Variants in SLF2 observed in about 807,000 individuals in gnomAD.
SLF2 encodes SMC5-SMC6 complex localization factor protein 2.
Under a neutral mutation model 124.3 loss-of-function variants are expected in SLF2, and 68 were observed. The ratio of observed to expected loss-of-function variants is 0.55; its 90% CI spans 0.45 to 0.67. The LOEUF (loss-of-function observed/expected upper bound fraction) is 0.67. Among genes scored for constraint, SLF2 ranks in the 30% least tolerant of loss-of-function variants. SLF2 has a pLI of 0.00. For synonymous variants in SLF2, 480 were observed against 478.8 expected, an observed-to-expected ratio of 1.00 and a Z score of -0.03; for missense variants, 1,246 against 1,373.7, an observed-to-expected ratio of 0.91 and a Z score of 1.47.
At chr10:100,955,842 G>A (rs1177158373) in intron 17 of SLF2, among the ~76,000 whole-genome samples, 1 of 151,764 alleles carries the variant, frequency 6.6e-6, no homozygotes, top group African/African-American at 2.4e-5. Flanking sequence ...GGAGCCAGAG[G>A]TTGTAGTGAG....
intron 11 of SLF2, among the ~76,000 whole-genome samples, chr10:100,939,282 G>A (rs1447919042): frequency 1.3e-5 from 2 of 152,204 alleles, no homozygotes; most frequent in African/African-American, 4.8e-5. Flanking sequence ...CACTTGGGGA[G>A]GCCAAGGCAG....
At position 100,931,195 on chromosome 10, in the gene SLF2, G is replaced by C. The variant is rs1849728316; in HGVS notation, c.2436+117G>C. 4.1e-6 allele frequency: 3 copies of C among 738,710 alleles called. 1 individual carries two copies. In the South Asian group the frequency reaches 5.4e-5, roughly 13 times the overall value. 45.8% of individuals were successfully genotyped at this position (738,710 alleles called of 1,614,324 possible). A position where few individuals can be genotyped will look rare whatever the true frequency, so the allele number is the denominator to read the frequency against. On this transcript the variant is annotated intron_variant, in intron 9 of 19. Coordinates refer to ENST00000238961, the MANE Select transcript of SLF2 (RefSeq NM_018121.4). ...GAAAAAATTAATGTAGCACATCCAT[G>C]ATGTCAGTGGCTTAGAATGTAGCAA...
rs187372082 is a variant in SLF2, at chr10:100,913,543, C to A, written c.140+293C>A. 3.6e-5 allele frequency: 44 copies of A among 1,238,352 alleles called. 1 individual carries two copies. In the East Asian group the frequency reaches 1.4e-3, roughly 41 times the overall value. 76.7% of individuals were successfully genotyped at this position (1,238,352 alleles called of 1,614,324 possible). On this transcript the variant is annotated intron_variant, in intron 1 of 19. Coordinates refer to ENST00000238961, the MANE Select transcript of SLF2 (RefSeq NM_018121.4). ...TTTTTTCCTTTGCAAGAGTTTGACC[C>A]GGGACCCTAACTGCTTAATGCATAT...
intron 4 of SLF2, among the ~76,000 whole-genome samples, chr10:100,923,411 G>A (rs1849555542): frequency 6.6e-6 from 1 of 151,902 alleles, no homozygotes; most frequent in South Asian, 2.1e-4. Flanking sequence ...TTTTCCTTGT[G>A]TATTTTCACC....
Position 100,964,449 on chromosome 10 carries a change from T to C in SLF2, c.*2537T>C, listed in dbSNP as rs1436656167. 1 of 152,686 alleles carries C rather than the reference T, an allele frequency of 6.5e-6. No homozygotes were observed. The highest frequency in any genetic ancestry group is 1.9e-4 in the East Asian group (1 of 5,206). The allele number at this position is 152,686 out of a possible 1,614,324, so 9.5% of individuals were successfully genotyped here. A position where few individuals can be genotyped will look rare whatever the true frequency, so the allele number is the denominator to read the frequency against. Reference sequence around the variant, plus strand: ...TGAAAATATAATTCTACTAGTTTTATCACATTAAGAGGCTCTCCATGCACA... The same window carrying C: ...TGAAAATATAATTCTACTAGTTTTACCACATTAAGAGGCTCTCCATGCACA... On this transcript the variant is annotated 3_prime_UTR_variant, in exon 20 of 20. Transcript: ENST00000238961.
chr10:100,929,877 A>G lies in SLF2; in HGVS notation c.2213A>G (p.His738Arg). ...FSVTIDAIPD[H>R]HPGEEIFNFL... ...GTTACAATTGATGCTATTCCTGATC[A>G]TCATCCAGGTGAAGAAATATTTAAT... Residue 738 changes from histidine (H) to arginine (R), a missense_variant, in exon 8 of 20, where the codon CAT becomes CGT. His to Arg is a conservative substitution (Grantham distance 29). Around this residue, in one of 3 missense-constraint regions of SLF2, gnomAD observed 535 missense variants for 632.8 expected, o/e 0.85. Coordinates refer to ENST00000238961, the MANE Select transcript of SLF2 (RefSeq NM_018121.4). The G allele has an allele frequency of 6.3e-7, 1 of 1,594,716 alleles. No individual in the cohort carries two copies.
chr10:100,930,262 CAA>C (rs1481675432), intron 8 of SLF2, among the ~76,000 whole-genome samples: 3 of 152,078 alleles, frequency 2.0e-5, no homozygotes, highest in Non-Finnish European at 4.4e-5. Context: ...GTGGTTTAAA[CAA>C]GAAGTATATT....
chr10:100,943,634 T>G (rs1047793126), intron 11 of SLF2: 1 of 155,350 alleles, frequency 6.4e-6, no homozygotes, highest in African/African-American at 2.4e-5. Context: ...CTTTTACCTA[T>G]TATGAATTCT....
At chr10:100,957,869 C>G (rs545045823) in intron 18 of SLF2, among the ~76,000 whole-genome samples, 9 of 152,018 alleles carry the variant, frequency 5.9e-5, no homozygotes, top group Non-Finnish European at 1.3e-4. Flanking sequence ...AAATCAGACA[C>G]TTTTAAAATA....
intron 9 of SLF2, among the ~76,000 whole-genome samples, chr10:100,931,460 A>T (rs182008642): frequency 6.6e-6 from 1 of 151,684 alleles, no homozygotes; most frequent in Non-Finnish European, 1.5e-5. Flanking sequence ...CCCCATTCGT[A>T]TATATGGTTT....
Position 100,964,736 on chromosome 10 carries a change from T to C in SLF2, c.*2824T>C, listed in dbSNP as rs1411918430. On this transcript the variant is annotated 3_prime_UTR_variant, in exon 20 of 20. Transcript: ENST00000238961. Reference sequence around the variant, plus strand: ...ATTGGTGGGGACTGGCCAGTAATAATGTGTGGCGTCTTTAAGCCAAGAGTA... The same window carrying C: ...ATTGGTGGGGACTGGCCAGTAATAACGTGTGGCGTCTTTAAGCCAAGAGTA... The C allele has an allele frequency of 2.0e-5, 3 of 152,376 alleles. No homozygotes were observed. The highest frequency in any genetic ancestry group is 4.8e-5 in the African/African-American group (2 of 41,454). 9.4% of individuals were successfully genotyped at this position (152,376 alleles called of 1,614,324 possible). A position where few individuals can be genotyped will look rare whatever the true frequency, so the allele number is the denominator to read the frequency against.
chr10:100,928,800 C>G (rs569821343), intron 6 of SLF2, among the ~76,000 whole-genome samples: 3 of 152,248 alleles, frequency 2.0e-5, no homozygotes, highest in Admixed American at 2.0e-4. Context: ...ATATATAAAG[C>G]CCTTAGTGCA....
chr10:100,916,681 C>G lies in SLF2; in HGVS notation c.296C>G (p.Ser99Cys). ...FERKLSSPKE[S>C]KPKRVPPEKS... The stretch of plus-strand genomic sequence containing the variant: ...AGGAAACTATCCTCACCAAAAGAAT[C>G]TAAACCCAAAAGGGTGCCACCAGAA... The change falls in exon 3 of 20, where the codon TCT (serine) becomes TGT (cysteine). Residue 99 changes from serine to cysteine, a missense_variant. This residue lies in a region of SLF2 where 698 missense variants were observed against 708.9 expected (regional missense o/e 0.98). Coordinates refer to ENST00000238961, the MANE Select transcript of SLF2 (RefSeq NM_018121.4). The G allele has an allele frequency of 6.5e-7, 1 of 1,539,068 alleles. No individual in the cohort carries two copies. Among genetic ancestry groups the G allele is most frequent in the Non-Finnish European group, 8.7e-7 (1 of 1,150,558 alleles).
intron 11 of SLF2, among the ~76,000 whole-genome samples, chr10:100,940,155 G>A (rs768314133): frequency 3.3e-5 from 5 of 152,140 alleles, no homozygotes. Flanking sequence ...TAGTAATTTT[G>A]TATGTTGTAT....
At chr10:100,946,751 A>G (rs1440955950) in intron 13 of SLF2, among the ~76,000 whole-genome samples, 6 of 152,240 alleles carry the variant, frequency 3.9e-5, no homozygotes, top group African/African-American at 1.4e-4. Flanking sequence ...TATCTTTCCA[A>G]GAAGGACTGT....
intron 6 of SLF2, 173 bp downstream of exon 6, chr10:100,926,192 A>G: frequency 1.3e-6 from 2 of 1,550,260 alleles, no homozygotes; most frequent in Non-Finnish European, 1.7e-6. Context: ...CATGCCTGTA[A>G]TCACAACACT....
intron 4 of SLF2, among the ~76,000 whole-genome samples, chr10:100,919,814 A>G (rs1214190946): frequency 1.3e-5 from 2 of 152,254 alleles, no homozygotes; most frequent in South Asian, 4.1e-4. Context: ...TTTGAACCTC[A>G]TAACTTTATA....
rs769804097 is a variant in SLF2, at chr10:100,929,436, A to G, written c.2162A>G (p.His721Arg). ...TDDEDGLLEE[H>R]KEFLKKFSVT... ...GATGAGGATGGCCTCTTAGAAGAGCACAAGTATAGCATTTTTCATAATGTA... is the reference window on the plus strand; with the variant it reads ...GATGAGGATGGCCTCTTAGAAGAGCGCAAGTATAGCATTTTTCATAATGTA... Residue 721 changes from histidine to arginine, a missense_variant, in exon 7 of 20, where the codon CAC (histidine) becomes CGC (arginine). His to Arg is a conservative substitution (Grantham distance 29). Coordinates refer to ENST00000238961, the MANE Select transcript of SLF2 (RefSeq NM_018121.4). 6.3e-7 allele frequency: 1 copy of G among 1,592,770 alleles called. No homozygotes were observed. Among genetic ancestry groups the G allele is most frequent in the Non-Finnish European group, 8.5e-7 (1 of 1,173,142 alleles).
At chr10:100,939,848 CTTAAACA>C (rs577265353) in intron 11 of SLF2, among the ~76,000 whole-genome samples, 62 of 152,258 alleles carry the variant, frequency 4.1e-4, no homozygotes, top group Non-Finnish European at 7.2e-4. Flanking sequence ...AATGTTTTCA[CTTAAACA>C]TTATGAAAAT....
Sources: gnomAD v4.1 joint callset for allele counts (sites outside exome capture counted in the v4.1 genomes callset) on GRCh38, gnomAD v4.1.1 for gene constraint, gnomAD v4.1.1 regional missense constraint, MANE v1.5 for transcripts, NCBI Gene and HGNC (gene_info 2026-07-23, HGNC 2026-07-21) for gene names.